The following ALKBH8 variants were observed in gnomAD, a reference collection of about 807,000 sequenced individuals.
ALKBH8 encodes the protein tRNA (carboxymethyluridine(34)-5-O)-methyltransferase ALKBH8.
A neutral mutation model predicts 59.8 loss-of-function variants in ALKBH8; 36 were observed. That is an observed-to-expected ratio of 0.60 (90% CI 0.46 to 0.79). ALKBH8 has a LOEUF of 0.79. Ranked by LOEUF, ALKBH8 falls within the 30% of genes least tolerant of loss-of-function variation. The pLI is 0.00. For synonymous variants in ALKBH8, 276 were observed against 273.6 expected (o/e 1.01, Z -0.09); for missense variants, 768 against 801.0 (o/e 0.96, Z 0.50).
At chr11:107,506,385 A>G (rs1189379060) in intron 11 of ALKBH8, among the ~76,000 whole-genome samples, 2 of 152,050 alleles carry the variant, frequency 1.3e-5, no homozygotes, top group Non-Finnish European at 1.5e-5. Context: ...GTTAAAAATG[A>G]GGACCAAAGG....
rs1300580688 is a variant in ALKBH8, at chr11:107,504,723, C to T, written c.1930G>A (p.Asp644Asn). 6.4e-7 allele frequency: 1 copy of T among 1,551,552 alleles called. No individual in the cohort carries two copies. ...ELEGACRTVS[D>N]VRILQSYYDQ... ...TAGTAGCTTTGCAGAATTCTGACATCACTCACAGTCCTGCAGGCACCTTCC... is the reference window on the plus strand; with the variant it reads ...TAGTAGCTTTGCAGAATTCTGACATTACTCACAGTCCTGCAGGCACCTTCC... The change falls in exon 12 of 12, where the codon GAT (aspartate) becomes AAT (asparagine). Residue 644 changes from aspartate to asparagine, a missense_variant. Asp to Asn is a conservative substitution (Grantham distance 23). Coordinates refer to ENST00000428149, the MANE Select transcript of ALKBH8 (RefSeq NM_138775.3).
At chr11:107,558,968 A>G (rs1347789266) in intron 2 of ALKBH8, among the ~76,000 whole-genome samples, 1 of 152,212 alleles carries the variant, frequency 6.6e-6, no homozygotes, top group Non-Finnish European at 1.5e-5. Flanking sequence ...CTTGAATTTT[A>G]GCTCCCATAA....
intron 7 of ALKBH8, among the ~76,000 whole-genome samples, chr11:107,543,975 AT>A (rs1864148391): frequency 6.6e-6 from 1 of 152,210 alleles, no homozygotes. Context: ...TGATGAGTGA[AT>A]TTATATGTGT....
Position 107,532,355 on chromosome 11 carries a change from G to A in ALKBH8, c.823C>T (p.Pro275Ser). 6.2e-7 allele frequency: 1 copy of A among 1,613,606 alleles called. No individual in the cohort carries two copies. Among genetic ancestry groups the A allele is most frequent in the Non-Finnish European group, 8.5e-7 (1 of 1,179,686 alleles). Residue 275 changes from proline (P) to serine (S), a missense_variant, in exon 8 of 12, where the codon CCT becomes TCT. Physicochemically the swap from Pro to Ser is moderately conservative, Grantham distance 74. Coordinates refer to ENST00000428149, the MANE Select transcript of ALKBH8 (RefSeq NM_138775.3). Reference sequence around the variant, plus strand: ...GTCATCACCAGCAAACTCCGACGAGGCAACATAACTGGCACTGCAATGCCA... The same window carrying A: ...GTCATCACCAGCAAACTCCGACGAGACAACATAACTGGCACTGCAATGCCA... Reference protein sequence around the residue: ...PDGIAVPVMLPRRSLLVMTGE... With the variant: ...PDGIAVPVMLSRRSLLVMTGE...
At chr11:107,546,345 C>G (rs531782150) in intron 7 of ALKBH8, among the ~76,000 whole-genome samples, 13 of 152,328 alleles carry the variant, frequency 8.5e-5, no homozygotes, top group African/African-American at 3.1e-4. Context: ...GCAAGGGCAT[C>G]TCTCAAAACA....
At chr11:107,506,607 A>G (rs918365682) in intron 11 of ALKBH8, among the ~76,000 whole-genome samples, 1 of 152,180 alleles carries the variant, frequency 6.6e-6, no homozygotes, top group Non-Finnish European at 1.5e-5. Context: ...GTATTAAACT[A>G]TAGTTCAAGT....
chr11:107,510,782 G>T, intron 11 of ALKBH8, 105 bp downstream of exon 11: 2 of 1,202,444 alleles, frequency 1.7e-6, no homozygotes, highest in Non-Finnish European at 2.3e-6. Context: ...AAAAGAGAAC[G>T]GAAAGAACTG....
At chr11:107,512,309 T>TTTG (rs60211285) in intron 10 of ALKBH8, among the ~76,000 whole-genome samples, 73,334 of 138,802 alleles carry the variant, frequency 0.53, 18,629 homozygotes, top group Non-Finnish European at 0.62. Flanking sequence ...AAGGGTTTTT[T>TTTG]TTTGTTTGTT....
chr11:107,564,999 T>C (rs909414980), intron 1 of ALKBH8, among the ~76,000 whole-genome samples: 2 of 152,238 alleles, frequency 1.3e-5, no homozygotes, highest in African/African-American at 2.4e-5. Flanking sequence ...ACACCTAGCA[T>C]GGACCTCTAT....
At position 107,505,219 on chromosome 11, in the gene ALKBH8, ATG is replaced by A; in HGVS notation, c.1438-6_1438-5del. 1.3e-6 allele frequency: 2 copies of A among 1,517,022 alleles called. No individual in the cohort carries two copies. The highest frequency in any genetic ancestry group is 2.2e-5 in the Admixed American group (1 of 45,038). 94.0% of individuals were successfully genotyped at this position (1,517,022 alleles called of 1,614,324 possible). A position where few individuals can be genotyped will look rare whatever the true frequency, so the allele number is the denominator to read the frequency against. On this transcript the variant is annotated splice_region_variant and splice_polypyrimidine_tract_variant and intron_variant, in intron 11 of 11. Coordinates refer to ENST00000428149, the MANE Select transcript of ALKBH8 (RefSeq NM_138775.3). The stretch of plus-strand genomic sequence containing the variant: ...GGAGAGCTGCCACTCTACGCTCCTA[ATG>A]AAAAAAAACAAAACACATGATCAAC...
At chr11:107,545,223 A>C (rs1335306397) in intron 7 of ALKBH8, among the ~76,000 whole-genome samples, 1 of 152,196 alleles carries the variant, frequency 6.6e-6, no homozygotes, top group Non-Finnish European at 1.5e-5. Flanking sequence ...TAAGTGGTAT[A>C]AAGAAAATGT....
chr11:107,536,122 C>T (rs1341095212), intron 7 of ALKBH8, among the ~76,000 whole-genome samples: 1 of 152,202 alleles, frequency 6.6e-6, no homozygotes. Context: ...AGGCAAACGC[C>T]AAGCTGTAAC....
chr11:107,503,547 T>G lies in ALKBH8; in HGVS notation c.*1111A>C, dbSNP rs1253883043. 2 of 152,210 alleles carry G rather than the reference T, an allele frequency of 1.3e-5. No individual in the cohort carries two copies. The highest frequency in any genetic ancestry group is 2.9e-5 in the Non-Finnish European group (2 of 68,028). 9.4% of individuals were successfully genotyped at this position (152,210 alleles called of 1,614,324 possible). The stretch of plus-strand genomic sequence containing the variant: ...TGTGATAATTTGACCTATGGTTGAA[T>G]TTCTACCTTTGTTCCTCCAGGAAAT... On this transcript the variant is annotated 3_prime_UTR_variant, in exon 12 of 12. Transcript: ENST00000428149.
chr11:107,519,346 C>T (rs1301352901), intron 10 of ALKBH8, among the ~76,000 whole-genome samples: 1 of 151,992 alleles, frequency 6.6e-6, no homozygotes, highest in Non-Finnish European at 1.5e-5. Flanking sequence ...CTCAGGTGAT[C>T]TGTCCACCTC....
chr11:107,522,625 AT>A, intron 9 of ALKBH8, 70 bp from the exon 10 acceptor site: 1 of 1,449,800 alleles, frequency 6.9e-7, no homozygotes, highest in Admixed American at 2.8e-5. Context: ...GTTTTCTTAA[AT>A]GAAAAAAAAA....
intron 2 of ALKBH8, 23 bp downstream of exon 2, chr11:107,560,742 T>C (rs767914342): frequency 6.3e-7 from 1 of 1,580,676 alleles, no homozygotes; most frequent in South Asian, 1.2e-5. Flanking sequence ...TACATTCTAA[T>C]AATAATAGTA....
intron 2 of ALKBH8, among the ~76,000 whole-genome samples, chr11:107,560,407 G>A (rs1386634715): frequency 6.6e-6 from 1 of 152,044 alleles, no homozygotes; most frequent in Non-Finnish European, 1.5e-5. Context: ...TTATATCAAT[G>A]GAGACATATC....
At chr11:107,533,159 C>G (rs990534107) in intron 7 of ALKBH8, among the ~76,000 whole-genome samples, 1 of 152,044 alleles carries the variant, frequency 6.6e-6, no homozygotes, top group East Asian at 1.9e-4. Flanking sequence ...AGGAACCCAT[C>G]AAAAACCAAA....
rs777499341 is a variant in ALKBH8 at position 107,505,095 on chromosome 11, C to G, written c.1558G>C (p.Gly520Arg). Residue 520 changes from glycine to arginine, a missense_variant, in exon 12 of 12, where the codon GGA becomes CGA. By Grantham distance (125) the Gly-to-Arg change is moderately radical. Transcript: ENST00000428149. ...YNKQKSKYLR[G>R]NRNSQGKKEE... ...TTCTTTCCTTGGCTATTTCTGTTTC[C>G]TCTAAGATACTTGGACTTCTGCTTA... The G allele has an allele frequency of 6.4e-7, 1 of 1,551,310 alleles. No individual in the cohort carries two copies. The highest frequency in any genetic ancestry group is 8.7e-7 in the Non-Finnish European group (1 of 1,146,970).
Sources: allele counts gnomAD v4.1 joint callset (sites outside exome capture counted in the v4.1 genomes callset), GRCh38; gene constraint gnomAD v4.1.1; transcripts MANE v1.5; gene names NCBI Gene and HGNC (gene_info 2026-07-23, HGNC 2026-07-21).